The following HTR2C variants were observed in gnomAD, a reference collection of about 807,000 sequenced individuals.
HTR2C encodes 5-hydroxytryptamine receptor 2C, also known as 5-hydroxytryptamine (serotonin) receptor 2C, G protein-coupled.
Under a neutral mutation model 21.0 loss-of-function variants are expected in HTR2C, and 5 were observed. The observed-to-expected ratio is 0.24, with a 90% CI of 0.12 to 0.50. The LOEUF (loss-of-function observed/expected upper bound fraction) is 0.50. Among genes scored for constraint, HTR2C ranks in the 20% least tolerant of loss-of-function variants. HTR2C has a pLI of 0.98. For synonymous variants in HTR2C, 150 were observed against 145.3 expected (o/e 1.03, Z -0.23); for missense variants, 271 against 371.2 (o/e 0.73, Z 2.22).
At chrX:114,622,208 G>A (rs944609762) in intron 2 of HTR2C, among the ~76,000 whole-genome samples, 2 of 111,634 alleles carry the variant, frequency 1.8e-5, no homozygotes, top group Non-Finnish European at 3.8e-5. Context: ...TAAGAACTGA[G>A]GATTGAAGAT....
chrX:114,764,187 T>A (rs1268203612), intron 4 of HTR2C, among the ~76,000 whole-genome samples: 1 of 110,448 alleles, frequency 9.1e-6, no homozygotes, highest in Non-Finnish European at 1.9e-5. Flanking sequence ...TCACCTGAGG[T>A]TGGGAGTTCG....
intron 2 of HTR2C, among the ~76,000 whole-genome samples, chrX:114,692,995 G>C (rs1306031840): frequency 1.8e-5 from 2 of 111,610 alleles, no homozygotes; most frequent in Non-Finnish European, 3.8e-5. Flanking sequence ...CAGCTGAAAG[G>C]AGTTCAGAGA....
intron 4 of HTR2C, among the ~76,000 whole-genome samples, chrX:114,769,259 A>C (rs1258766767): frequency 2.7e-5 from 3 of 111,147 alleles, no homozygotes; most frequent in Non-Finnish European, 5.7e-5. Context: ...GGCTAATAAT[A>C]CATATAGGTA....
chrX:114,800,101 A>G (rs1454414244), intron 4 of HTR2C, among the ~76,000 whole-genome samples: 2 of 110,590 alleles, frequency 1.8e-5, no homozygotes, highest in African/African-American at 6.6e-5. Flanking sequence ...GATTTTATAG[A>G]CAGTGGGAAT....
intron 2 of HTR2C, among the ~76,000 whole-genome samples, chrX:114,662,597 A>G (rs1287694740): frequency 1.8e-5 from 2 of 111,926 alleles, no homozygotes; most frequent in Non-Finnish European, 3.8e-5. Context: ...TTACAATACA[A>G]TGAAATATAC....
At chrX:114,896,724 CAT>C (rs1293463421) in intron 5 of HTR2C, among the ~76,000 whole-genome samples, 1 of 112,048 alleles carries the variant, frequency 8.9e-6, no homozygotes, top group Non-Finnish European at 1.9e-5. Flanking sequence ...TTTGTACTTA[CAT>C]ATGTCTTCAT....
At chrX:114,670,675 T>C (rs1556411547) in intron 2 of HTR2C, among the ~76,000 whole-genome samples, 1 of 112,377 alleles carries the variant, frequency 8.9e-6, no homozygotes, top group African/African-American at 3.2e-5. Context: ...ATAATGAAGA[T>C]GTATTTACCA....
chrX:114,726,596 T>C (rs1569488284), intron 2 of HTR2C, among the ~76,000 whole-genome samples: 1 of 112,221 alleles, frequency 8.9e-6, no homozygotes, highest in Non-Finnish European at 1.9e-5. Context: ...CCATGTCTAC[T>C]CCAAGAGGGG....
At chrX:114,892,482 C>A (rs189549374) in intron 5 of HTR2C, among the ~76,000 whole-genome samples, 2 of 111,415 alleles carry the variant, frequency 1.8e-5, no homozygotes, top group African/African-American at 6.5e-5. Context: ...ACTTTTTTAC[C>A]TGAAGATAAA....
At chrX:114,661,192 C>A (rs1392804771) in intron 2 of HTR2C, among the ~76,000 whole-genome samples, 4 of 111,022 alleles carry the variant, frequency 3.6e-5, no homozygotes, top group African/African-American at 1.3e-4. Flanking sequence ...CGGTGGCCCA[C>A]GCCTGTAATC....
intron 4 of HTR2C, among the ~76,000 whole-genome samples, chrX:114,784,801 A>G (rs1215988749): frequency 4.6e-5 from 5 of 109,749 alleles, no homozygotes; most frequent in Non-Finnish European, 9.5e-5. Flanking sequence ...TTGTATTTTT[A>G]GTAGAGACGG....
intron 2 of HTR2C, among the ~76,000 whole-genome samples, chrX:114,703,819 C>A (rs868968811): frequency 2.7e-5 from 3 of 110,147 alleles, no homozygotes; most frequent in Middle Eastern, 4.6e-3. Context: ...GCTAGCAAGA[C>A]TAATAAAGAA....
chrX:114,593,514 G>A (rs1927714828), intron 1 of HTR2C, among the ~76,000 whole-genome samples: 1 of 111,609 alleles, frequency 9.0e-6, no homozygotes, highest in Non-Finnish European at 1.9e-5. Context: ...TTTCCTACTG[G>A]ATTATAAATT....
At chrX:114,701,053 C>T (rs782566378) in intron 2 of HTR2C, among the ~76,000 whole-genome samples, 5 of 112,163 alleles carry the variant, frequency 4.5e-5, no homozygotes, top group South Asian at 3.7e-4. Flanking sequence ...ACAAAGCAGC[C>T]GGGAAGCTCG....
At chrX:114,841,130 C>T (rs1427962361) in intron 4 of HTR2C, among the ~76,000 whole-genome samples, 1 of 111,661 alleles carries the variant, frequency 9.0e-6, no homozygotes. Flanking sequence ...TCCTTACTTC[C>T]CCAAGAAAAC....
intron 5 of HTR2C, among the ~76,000 whole-genome samples, chrX:114,856,047 C>T (rs112327169): frequency 0.057 from 2,046 of 35,879 alleles, 50 homozygotes; most frequent in African/African-American, 0.11. Context: ...TGTTTGCAGA[C>T]GACATGATTG....
At chrX:114,671,439 T>C (rs900942144) in intron 2 of HTR2C, among the ~76,000 whole-genome samples, 47 of 112,199 alleles carry the variant, frequency 4.2e-4, no homozygotes, top group African/African-American at 1.5e-3. Context: ...CATTTTGCTA[T>C]GTTACTGATA....
At chrX:114,727,638 T>G (rs192069479) in intron 3 of HTR2C, among the ~76,000 whole-genome samples, 1 of 112,197 alleles carries the variant, frequency 8.9e-6, no homozygotes, top group East Asian at 2.8e-4. Flanking sequence ...TCCAAAGCAA[T>G]GTAAACTCTG....
intron 1 of HTR2C, among the ~76,000 whole-genome samples, chrX:114,587,080 T>G (rs1313739030): frequency 8.9e-6 from 1 of 111,919 alleles, no homozygotes; most frequent in African/African-American, 3.2e-5. Context: ...TCCATGTATT[T>G]CCTTCAAGGA....
Sources: gnomAD v4.1 joint callset for allele counts (sites outside exome capture counted in the v4.1 genomes callset) on GRCh38, gnomAD v4.1.1 for gene constraint, MANE v1.5 for transcripts, NCBI Gene and HGNC (gene_info 2026-07-23, HGNC 2026-07-21) for gene names.